EDA: variants seen among roughly 807,000 people sequenced by gnomAD.
EDA encodes ectodysplasin A.
A neutral mutation model predicts 23.6 loss-of-function variants in EDA; 2 were observed. That is an observed-to-expected ratio of 0.08 (90% confidence interval 0.03 to 0.27). EDA has a LOEUF of 0.27. EDA is among the 10% of genes least tolerant of loss of function. EDA has a pLI of 1.00. For synonymous variants in EDA, 131 were observed against 132.0 expected, an observed-to-expected ratio of 0.99 and a Z score of 0.05; for missense variants, 229 against 324.2, an observed-to-expected ratio of 0.71 and a Z score of 2.26.
intron 1 of EDA, among the ~76,000 whole-genome samples, chrX:69,617,512 T>C (rs184444169): frequency 1.8e-5 from 2 of 110,720 alleles, no homozygotes; most frequent in African/African-American, 6.6e-5. Context: ...CCAAGAGCAG[T>C]TTTGTTTGTT....
Position 69,844,914 on chromosome X carries a change from C to T in EDA, c.397-112113C>T, listed in dbSNP as rs147086034. Among the ~76,000 whole-genome samples, 518 of 112,140 alleles carry T rather than the reference C, an allele frequency of 4.6e-3. 6 individuals are homozygous for T. Among genetic ancestry groups the T allele is most frequent in the African/African-American group, 0.016 (500 of 30,881 alleles). On this transcript the variant is annotated intron_variant, in intron 1 of 7. Coordinates refer to ENST00000374552, the MANE Select transcript of EDA (RefSeq NM_001399.5). Reference sequence around the variant, plus strand: ...TGACCTCAGCGTAAGTACATTTCTCCTCTTCAGGCTTAAATTTGATTCTTG... The same window carrying T: ...TGACCTCAGCGTAAGTACATTTCTCTTCTTCAGGCTTAAATTTGATTCTTG...
chrX:69,932,939 C>CTT (rs751812350), intron 1 of EDA, among the ~76,000 whole-genome samples: 1,158 of 102,077 alleles, frequency 0.011, 12 homozygotes, highest in African/African-American at 0.039. Flanking sequence ...AGTTCCTCTT[C>CTT]TTTTTTTTTT....
Position 69,751,339 on chromosome X carries a change from G to C in EDA, c.396+134635G>C, listed in dbSNP as rs1455432427. Among the ~76,000 whole-genome samples, 3 of 112,037 alleles carry C rather than the reference G, an allele frequency of 2.7e-5. No individual in the cohort carries two copies. In the East Asian group the frequency reaches 8.3e-4, roughly 31 times the overall value. ...TGTCAAAGATCAGATGGTTGTAGAT[G>C]TGTGGTATTATTTCTGAGGGCTCTA... On this transcript the variant is annotated intron_variant, in intron 1 of 7. Transcript: ENST00000374552.
At chrX:69,709,399 A>T (rs2011875078) in intron 1 of EDA, among the ~76,000 whole-genome samples, 1 of 111,908 alleles carries the variant, frequency 8.9e-6, no homozygotes, top group Non-Finnish European at 1.9e-5. Context: ...TCTTTCAGTC[A>T]GTCTTGAGTA....
At chrX:69,697,136 G>A (rs917796450) in intron 1 of EDA, among the ~76,000 whole-genome samples, 1 of 111,722 alleles carries the variant, frequency 9.0e-6, no homozygotes, top group Non-Finnish European at 1.9e-5. Flanking sequence ...GGGTGCAGAC[G>A]GGCTGAGACC....
intron 1 of EDA, among the ~76,000 whole-genome samples, chrX:69,919,613 A>T (rs901248873): frequency 2.7e-5 from 3 of 111,956 alleles, no homozygotes; most frequent in African/African-American, 9.7e-5. Context: ...TAATTCCAAT[A>T]GTGGCCATAC....
intron 4 of EDA, among the ~76,000 whole-genome samples, chrX:70,028,732 C>T (rs1177625970): frequency 8.9e-6 from 1 of 112,897 alleles, no homozygotes; most frequent in Non-Finnish European, 1.9e-5. Context: ...GAAGGGCATC[C>T]GAAAGGTATG....
chrX:69,963,664 G>A (rs771934439), intron 2 of EDA, among the ~76,000 whole-genome samples: 2 of 111,613 alleles, frequency 1.8e-5, no homozygotes, highest in Non-Finnish European at 3.8e-5. Context: ...TAGCCCTGCA[G>A]TAAATGATCT....
chrX:69,924,852 T>C (rs767573825), intron 1 of EDA, among the ~76,000 whole-genome samples: 1 of 111,818 alleles, frequency 8.9e-6, no homozygotes, highest in East Asian at 2.8e-4. Flanking sequence ...AAGTTCTTCT[T>C]GAAGAGGTCC....
intron 1 of EDA, among the ~76,000 whole-genome samples, chrX:69,897,151 T>C (rs913292357): frequency 9.1e-6 from 1 of 109,844 alleles, no homozygotes; most frequent in African/African-American, 3.3e-5. Context: ...CCTTTCTTAT[T>C]ACCTGTCCTT....
At chrX:70,014,599 A>G (rs1038244729) in intron 2 of EDA, among the ~76,000 whole-genome samples, 2 of 112,283 alleles carry the variant, frequency 1.8e-5, no homozygotes, top group Non-Finnish European at 3.8e-5. Context: ...GGCTGGAATG[A>G]TAGTCATAAA....
chrX:69,937,817 A>G (rs2018696591), intron 1 of EDA: 1 of 1,193,529 alleles, frequency 8.4e-7, no homozygotes, highest in Non-Finnish European at 1.1e-6. Flanking sequence ...AGTCTACATT[A>G]CACCGCAATA....
intron 1 of EDA, among the ~76,000 whole-genome samples, chrX:69,736,708 G>A (rs2013272942): frequency 9.3e-6 from 1 of 107,422 alleles, no homozygotes; most frequent in Non-Finnish European, 1.9e-5. Flanking sequence ...ATTGATTTTT[G>A]TATTTTTTTT....
chrX:69,644,226 T>C (rs1282743481), intron 1 of EDA, among the ~76,000 whole-genome samples: 1 of 111,561 alleles, frequency 9.0e-6, no homozygotes, highest in African/African-American at 3.3e-5. Context: ...TATTGATTCT[T>C]CCTATCCATG....
At chrX:69,821,179 G>A (rs887014557) in intron 1 of EDA, among the ~76,000 whole-genome samples, 6 of 106,755 alleles carry the variant, frequency 5.6e-5, no homozygotes, top group Non-Finnish European at 3.9e-5. Flanking sequence ...GTTCTTATAA[G>A]TGGGAGGGTT....
At chrX:69,988,940 G>A (rs963818041) in intron 2 of EDA, among the ~76,000 whole-genome samples, 3 of 111,407 alleles carry the variant, frequency 2.7e-5, no homozygotes, top group Non-Finnish European at 5.7e-5. Flanking sequence ...GTGCTAGGGA[G>A]GCCCGGTGGA....
At chrX:69,758,035 G>A (rs754197930) in intron 1 of EDA, among the ~76,000 whole-genome samples, 1 of 111,975 alleles carries the variant, frequency 8.9e-6, no homozygotes, top group Admixed American at 9.4e-5. Context: ...CATTTTTATT[G>A]CGTATCACTC....
intron 1 of EDA, among the ~76,000 whole-genome samples, chrX:69,700,922 C>T (rs1348023336): frequency 9.1e-6 from 1 of 109,882 alleles, no homozygotes; most frequent in Non-Finnish European, 1.9e-5. Context: ...ATGTCTCTGC[C>T]TAGGAGTGGA....
chrX:69,668,309 T>C (rs1602270472), intron 1 of EDA, among the ~76,000 whole-genome samples: 1 of 112,022 alleles, frequency 8.9e-6, no homozygotes. Context: ...TTTATAATTA[T>C]GGTCTAAAGT....
Sources: allele counts gnomAD v4.1 joint callset (sites outside exome capture counted in the v4.1 genomes callset), GRCh38; gene constraint gnomAD v4.1.1; transcripts MANE v1.5; gene names NCBI Gene and HGNC (gene_info 2026-07-23, HGNC 2026-07-21).